The following GRM1 variants were observed in gnomAD, a reference collection of about 807,000 sequenced individuals.
The protein encoded by GRM1 is glutamate metabotropic receptor 1.
A neutral mutation model predicts 90.9 loss-of-function variants in GRM1; 33 were observed. That is an observed-to-expected ratio of 0.36 (90% confidence interval 0.28 to 0.49). The LOEUF (loss-of-function observed/expected upper bound fraction) is 0.49. Ranked by LOEUF, GRM1 falls within the 20% of genes least tolerant of loss-of-function variation. The probability of loss-of-function intolerance (pLI) is 0.99; values close to 1 mark genes in which losing one functional copy is unlikely to be tolerated. For synonymous variants in GRM1, 700 were observed against 613.2 expected, an observed-to-expected ratio of 1.14 and a Z score of -2.09; for missense variants, 1,190 against 1,534.3, an observed-to-expected ratio of 0.78 and a Z score of 3.75.
intron 2 of GRM1, among the ~76,000 whole-genome samples, chr6:146,201,635 C>G (rs982296920): frequency 6.6e-6 from 1 of 152,230 alleles, no homozygotes; most frequent in Non-Finnish European, 1.5e-5. Context: ...CAAATTCCAT[C>G]ACATTGGGGA....
At chr6:146,406,340 C>T (rs575315133) in intron 7 of GRM1, among the ~76,000 whole-genome samples, 1 of 152,266 alleles carries the variant, frequency 6.6e-6, no homozygotes, top group African/African-American at 2.4e-5. Context: ...AGGCTGGGAA[C>T]TTATCATCAT....
intron 1 of GRM1, among the ~76,000 whole-genome samples, chr6:146,120,926 T>C (rs1374548909): frequency 1.3e-5 from 2 of 152,232 alleles, no homozygotes; most frequent in African/African-American, 4.8e-5. Context: ...TGCCAGGCTT[T>C]GGTATCAGTA....
intron 1 of GRM1, among the ~76,000 whole-genome samples, chr6:146,115,599 A>G (rs928014482): frequency 2.6e-5 from 4 of 152,206 alleles, no homozygotes; most frequent in African/African-American, 9.6e-5. Flanking sequence ...CCTTAATTAC[A>G]TAAATATATA....
intron 2 of GRM1, among the ~76,000 whole-genome samples, chr6:146,175,826 A>G (rs1778320281): frequency 6.6e-6 from 1 of 152,118 alleles, no homozygotes; most frequent in Non-Finnish European, 1.5e-5. Context: ...TTGATAGGGT[A>G]TGGGTTACAT....
At position 146,413,421 on chromosome 6, in the gene GRM1, T is replaced by C. The variant is rs527753078; in HGVS notation, c.2660+13722T>C. On this transcript the variant is annotated intron_variant, in intron 7 of 7. Coordinates refer to ENST00000282753, the MANE Select transcript of GRM1 (RefSeq NM_001278064.2). ...CTTTTAACATGGATTTACATTTTTT[T>C]AATTTTAGGAAAGTTTTCTTGAATT... Among the ~76,000 whole-genome samples, 348 of 152,176 alleles carry C rather than the reference T, an allele frequency of 2.3e-3. 1 individual carries two copies. Among genetic ancestry groups the C allele is most frequent in the African/African-American group, 8.2e-3 (340 of 41,584 alleles).
Position 146,071,817 on chromosome 6 carries a change from G to T in GRM1, c.700+41600G>T, listed in dbSNP as rs1234398184. Among the ~76,000 whole-genome samples the T allele has an allele frequency of 6.6e-5, 10 of 152,164 alleles. No individual in the cohort carries two copies. In the South Asian group the frequency reaches 1.9e-3, roughly 28 times the overall value. ...GAGCTGTATTTGGTTAGGGCAAGGA[G>T]CTGGGCCTTTAATCCTGTGTGTTTA... On this transcript the variant is annotated intron_variant, in intron 1 of 7. Coordinates refer to ENST00000282753, the MANE Select transcript of GRM1 (RefSeq NM_001278064.2).
At chr6:146,160,220 C>T (rs189294425) in intron 2 of GRM1, among the ~76,000 whole-genome samples, 2 of 152,230 alleles carry the variant, frequency 1.3e-5, no homozygotes, top group East Asian at 1.9e-4. Flanking sequence ...AGATATGCAA[C>T]GGAACTGTGG....
At chr6:146,239,265 C>G (rs1416388756) in intron 2 of GRM1, among the ~76,000 whole-genome samples, 2 of 152,142 alleles carry the variant, frequency 1.3e-5, no homozygotes, top group Non-Finnish European at 2.9e-5. Flanking sequence ...AACTGACCCA[C>G]TCCTTCTCTA....
intron 2 of GRM1, among the ~76,000 whole-genome samples, chr6:146,163,556 G>A (rs1777809980): frequency 6.6e-6 from 1 of 152,170 alleles, no homozygotes; most frequent in African/African-American, 2.4e-5. Context: ...GGGATTTGAA[G>A]TTAGGGACTG....
chr6:146,327,238 T>G (rs1488363040), intron 3 of GRM1, among the ~76,000 whole-genome samples: 1 of 152,190 alleles, frequency 6.6e-6, no homozygotes, highest in Non-Finnish European at 1.5e-5. Flanking sequence ...TTGGCTGTGA[T>G]TCTTATGACT....
Position 146,029,586 on chromosome 6 carries a change from C to T in GRM1, c.69C>T (p.Pro23=), listed in dbSNP as rs1007689782. 6.2e-7 allele frequency: 1 copy of T among 1,614,096 alleles called. No homozygotes were observed. Among genetic ancestry groups the T allele is most frequent in the Non-Finnish European group, 8.5e-7 (1 of 1,180,004 alleles). The change falls in exon 1 of 8, where the codon CCC becomes CCT. Residue 23 remains proline, a synonymous_variant. Transcript: ENST00000282753. ...AGGTGTCCCTTCTCCCCAGAAGCCC[C>T]GGCAGGAAAGTGTTGCTGGCAGGAG... is the stretch of plus-strand genomic sequence containing the variant. The part of the protein sequence containing the change: ...FLEVSLLPRS[P]GRKVLLAGAS...
intron 6 of GRM1, among the ~76,000 whole-genome samples, chr6:146,395,308 A>G (rs552346557): frequency 6.6e-6 from 1 of 152,100 alleles, no homozygotes; most frequent in Non-Finnish European, 1.5e-5. Context: ...CTACCTACAG[A>G]GGGAGAGAAT....
intron 3 of GRM1, among the ~76,000 whole-genome samples, chr6:146,308,500 G>C (rs1783658425): frequency 6.6e-6 from 1 of 152,194 alleles, no homozygotes. Flanking sequence ...GTAATTGTAA[G>C]TTTAACTTAA....
At chr6:146,333,728 G>T (rs1784664740) in intron 3 of GRM1, among the ~76,000 whole-genome samples, 1 of 152,072 alleles carries the variant, frequency 6.6e-6, no homozygotes, top group Admixed American at 6.6e-5. Flanking sequence ...GGCATACTTA[G>T]AATCCAAGTG....
At position 146,429,778 on chromosome 6, in the gene GRM1, T is replaced by C. The variant is rs571284122; in HGVS notation, c.2661-4094T>C. Among the ~76,000 whole-genome samples, 4 of 152,294 alleles carry C rather than the reference T, an allele frequency of 2.6e-5. No homozygotes were observed. In the South Asian group the frequency reaches 6.2e-4, roughly 24 times the overall value. On this transcript the variant is annotated intron_variant, in intron 7 of 7. Transcript: ENST00000282753. ...TGCTGGGACTCAATGGTGTTTTCCG[T>C]TTCCATTTTCACTTTCAGAGAAAAC... is the stretch of plus-strand genomic sequence containing the variant.
At chr6:146,160,980 G>A (rs1168406377) in intron 2 of GRM1, among the ~76,000 whole-genome samples, 1 of 152,092 alleles carries the variant, frequency 6.6e-6, no homozygotes, top group African/African-American at 2.4e-5. Flanking sequence ...AAGAAAGCAG[G>A]TCTTCTAAGG....
chr6:146,269,994 T>C (rs561498293), intron 2 of GRM1, among the ~76,000 whole-genome samples: 53 of 151,162 alleles, frequency 3.5e-4, no homozygotes, highest in African/African-American at 1.2e-3. Context: ...AATGGGGGGA[T>C]CAATTTGCAT....
chr6:146,322,696 C>T lies in GRM1; in HGVS notation c.1186+17850C>T, dbSNP rs1784243852. ...ATACATGTGCCATGTTGGTGTGCTG[C>T]ACCCATTAACTCATCATTTAGCATT... is the stretch of plus-strand genomic sequence containing the variant. On this transcript the variant is annotated intron_variant, in intron 3 of 7. Coordinates refer to ENST00000282753, the MANE Select transcript of GRM1 (RefSeq NM_001278064.2). Among the ~76,000 whole-genome samples, 3 of 151,958 alleles carry T rather than the reference C, an allele frequency of 2.0e-5. No homozygotes were observed. In the South Asian group the frequency reaches 6.2e-4, roughly 32 times the overall value.
At chr6:146,050,674 CT>C in intron 1 of GRM1, among the ~76,000 whole-genome samples, 1 of 151,596 alleles carries the variant, frequency 6.6e-6, no homozygotes, top group Non-Finnish European at 1.5e-5. Flanking sequence ...ATACTCTTAG[CT>C]GCTCATTCTC....
Sources: gnomAD v4.1 joint callset for allele counts (sites outside exome capture counted in the v4.1 genomes callset) on GRCh38, gnomAD v4.1.1 for gene constraint, MANE v1.5 for transcripts, NCBI Gene and HGNC (gene_info 2026-07-23, HGNC 2026-07-21) for gene names.